The following ZAN variants were observed in gnomAD, a reference collection of about 807,000 sequenced individuals.
ZAN encodes zonadhesin, also known as zonadhesin (gene/pseudogene).
In ZAN, 260 loss-of-function variants were observed where a neutral mutation model predicts 286.2. The observed-to-expected ratio is 0.91, with a 90% confidence interval of 0.82 to 1.01. The LOEUF is 1.01. Among genes scored for constraint, ZAN ranks in the 50% least tolerant of loss-of-function variants. The pLI, the probability that ZAN is intolerant of heterozygous loss-of-function variation, is 0.00. For missense variants in ZAN, 3,410 were observed against 3,639.2 expected (o/e 0.94, Z 1.62); for synonymous variants, 1,368 against 1,417.5 (o/e 0.97, Z 0.79).
intron 35 of ZAN, among the ~76,000 whole-genome samples, chr7:100,784,287 G>A (rs956646187): frequency 3.3e-5 from 5 of 151,678 alleles, no homozygotes; most frequent in South Asian, 2.1e-4. Context: ...CCACCACCAC[G>A]CTTGGCTAAT....
In ZAN at chr7:100,767,999, T is replaced by C. The variant is rs772398157; in HGVS notation, c.5029T>C (p.Cys1677Arg). The C allele has an allele frequency of 3.1e-6, 5 of 1,611,852 alleles. No individual in the cohort carries two copies. The highest frequency in any genetic ancestry group is 4.2e-6 in the Non-Finnish European group (5 of 1,178,810). The part of the protein sequence containing the change: ...TVPSSYGGQL[C>R]GLCGNYNNNS... ...CCCCTCCTCCTATGGCGGCCAGCTCTGTGGGCTGTGTGGTGAGTTTCCTGG... is the reference window on the plus strand; with the variant it reads ...CCCCTCCTCCTATGGCGGCCAGCTCCGTGGGCTGTGTGGTGAGTTTCCTGG... Residue 1677 changes from cysteine (C) to arginine (R), a missense_variant, in exon 26 of 48, where the codon TGT (cysteine) becomes CGT (arginine). Physicochemically the swap from Cys to Arg is radical, Grantham distance 180 (BLOSUM62 -3). Transcript: ENST00000613979.
chr7:100,794,671 T>C (rs751476011), intron 44 of ZAN, among the ~76,000 whole-genome samples: 1 of 151,864 alleles, frequency 6.6e-6, no homozygotes, highest in Admixed American at 6.6e-5. Flanking sequence ...TCGTCTCTAC[T>C]AAAAATTAAA....
intron 11 of ZAN, among the ~76,000 whole-genome samples, chr7:100,749,729 T>C (rs1808510895): frequency 6.9e-6 from 1 of 143,908 alleles, no homozygotes. Flanking sequence ...CACACATATA[T>C]ATATATAAAG....
At chr7:100,773,168 T>A (rs1810504666) in intron 29 of ZAN, 117 bp from the exon 30 acceptor site, 13 of 1,155,100 alleles carry the variant, frequency 1.1e-5, no homozygotes, top group Non-Finnish European at 1.6e-5. Context: ...CCTCCCAAAG[T>A]GCTGGGATTA....
At position 100,773,538 on chromosome 7, in the gene ZAN, T is replaced by C. The variant is rs753962033; in HGVS notation, c.5634+45T>C. Reference sequence around the variant, plus strand: ...GGGCCCCGCCCTTTCCAGGCCCACATGTTTGGGGTCAGGGCAAGCTCAGGA... The same window carrying C: ...GGGCCCCGCCCTTTCCAGGCCCACACGTTTGGGGTCAGGGCAAGCTCAGGA... On this transcript the variant is annotated intron_variant, in intron 30 of 47. Coordinates refer to ENST00000613979, the MANE Select transcript of ZAN (RefSeq NM_003386.3). 17 of 1,601,084 alleles carry C rather than the reference T, an allele frequency of 1.1e-5. No homozygotes were observed. The East Asian group carries it at 3.8e-4, about 36-fold the overall frequency.
At chr7:100,766,088 G>A (rs1809950599) in intron 23 of ZAN, among the ~76,000 whole-genome samples, 1 of 151,930 alleles carries the variant, frequency 6.6e-6, no homozygotes, top group African/African-American at 2.4e-5. Context: ...CCAGGTTCAA[G>A]CGATTCTCCC....
intron 24 of ZAN, 62 bp downstream of exon 24, chr7:100,766,728 G>A (rs975584020): frequency 1.3e-4 from 200 of 1,516,492 alleles, no homozygotes; most frequent in Non-Finnish European, 1.6e-4. Flanking sequence ...CAAGGTGATG[G>A]GTCCTGCCCA....
rs778334120 is a variant in ZAN at position 100,797,631 on chromosome 7, C to T, written c.8413+8C>T. On this transcript the variant is annotated splice_region_variant and intron_variant, in intron 47 of 47. Coordinates refer to ENST00000613979, the MANE Select transcript of ZAN (RefSeq NM_003386.3). ...CCAGGCTGGTGGACACAGGTGAGAA[C>T]CAACCCCACAGCCCGGAACCTCGGG... 3 of 1,613,906 alleles carry T rather than the reference C, an allele frequency of 1.9e-6. No individual in the cohort carries two copies. Among genetic ancestry groups the T allele is most frequent in the South Asian group, 2.2e-5 (2 of 91,070 alleles).
chr7:100,793,287 C>G (rs117715617), intron 42 of ZAN, among the ~76,000 whole-genome samples: 1 of 146,928 alleles, frequency 6.8e-6, no homozygotes, highest in Non-Finnish European at 1.5e-5. Flanking sequence ...TGCAGTGAGC[C>G]GTGATCACGC....
intron 27 of ZAN, 72 bp from the exon 28 acceptor site, chr7:100,769,808 A>T: frequency 7.2e-7 from 1 of 1,397,390 alleles, no homozygotes; most frequent in Non-Finnish European, 9.9e-7. Context: ...TGGCTTCCCA[A>T]AGTGCTGGGA....
intron 14 of ZAN, among the ~76,000 whole-genome samples, chr7:100,753,449 A>G (rs1382529561): frequency 2.0e-5 from 3 of 152,224 alleles, no homozygotes; most frequent in African/African-American, 4.8e-5. Context: ...TGGGGGTGTC[A>G]GGACTGAACC....
chr7:100,739,531 G>A lies in ZAN; in HGVS notation c.766+918G>A, dbSNP rs1034421850. On this transcript the variant is annotated intron_variant, in intron 7 of 47. Coordinates refer to ENST00000613979, the MANE Select transcript of ZAN (RefSeq NM_003386.3). ...TTTGGAGCCAAGTGCACTGGCTCAC[G>A]CCTGTAATCCCAGCGCTTTGGGAAG... Among the ~76,000 whole-genome samples the A allele has an allele frequency of 1.8e-4, 25 of 136,020 alleles. 1 individual carries two copies. The East Asian group carries it at 4.4e-3, about 24-fold the overall frequency. 89.2% of individuals were successfully genotyped at this position (136,020 alleles called of 152,430 possible).
At position 100,775,701 on chromosome 7, in the gene ZAN, C is replaced by T. The variant is rs907236652; in HGVS notation, c.6060C>T (p.Ile2020=). ...GCAAACAGGTCACCCTCCCCGCCATCTCCCAGATCCCTGGGGTCAGTGTCA... is the reference window on the plus strand; with the variant it reads ...GCAAACAGGTCACCCTCCCCGCCATTTCCCAGATCCCTGGGGTCAGTGTCA... ...INSKQVTLPA[I]SQIPGVSVKS... is the part of the protein sequence containing the mutation. Residue 2020 remains isoleucine, a synonymous_variant, in exon 33 of 48, where the codon ATC becomes ATT. Transcript: ENST00000613979. 1.9e-6 allele frequency: 3 copies of T among 1,613,986 alleles called. No homozygotes were observed. Among genetic ancestry groups the T allele is most frequent in the East Asian group, 2.2e-5 (1 of 44,868 alleles).
In ZAN at chr7:100,792,402, C is replaced by T. The variant is rs1202916279; in HGVS notation, c.7713-3C>T. On this transcript the variant is annotated splice_polypyrimidine_tract_variant and splice_region_variant and intron_variant, in intron 41 of 47. Transcript: ENST00000613979. The stretch of plus-strand genomic sequence containing the variant: ...TGCCCTTCCTGCCCCCTCTCTGCAC[C>T]AGGCACTGCGTGCTGGATCTGTGCT... The T allele has an allele frequency of 1.9e-6, 3 of 1,607,614 alleles. No individual in the cohort carries two copies. The highest frequency in any genetic ancestry group is 1.3e-5 in the African/African-American group (1 of 74,874).
chr7:100,759,794 C>G lies in ZAN; in HGVS notation c.3645C>G (p.Tyr1215Ter). 6.2e-7 allele frequency: 1 copy of G among 1,608,492 alleles called. No homozygotes were observed. The highest frequency in any genetic ancestry group is 8.5e-7 in the Non-Finnish European group (1 of 1,177,786). ...GCGTGTCCTGCCTGAGCAAAGTCTA[C>G]GTGACCCTGCCCGAGAGCACCGTCA... Reference protein sequence around the residue: ...QEGVSCLSKVYVTLPESTVTL... With the variant: ...QEGVSCLSKV Residue 1215 changes from tyrosine (Y) to a stop codon, truncating the protein, a stop_gained, in exon 18 of 48, where the codon TAC (tyrosine) becomes TAG (stop). Transcript: ENST00000613979. LOFTEE classifies it high-confidence loss of function.
intron 33 of ZAN, among the ~76,000 whole-genome samples, chr7:100,776,079 C>A (rs749304281): frequency 8.6e-5 from 13 of 151,750 alleles, no homozygotes; most frequent in Non-Finnish European, 1.5e-5. Flanking sequence ...TCTGGGAGGC[C>A]GAGGCAGGTG....
At chr7:100,745,887 G>C (rs1368167720) in intron 7 of ZAN, among the ~76,000 whole-genome samples, 1 of 151,464 alleles carries the variant, frequency 6.6e-6, no homozygotes, top group East Asian at 2.0e-4. Flanking sequence ...AAAGAAAAAG[G>C]AAAAAAGAAA....
At chr7:100,772,764 T>G (rs1464121027) in intron 29 of ZAN, among the ~76,000 whole-genome samples, 2 of 150,604 alleles carry the variant, frequency 1.3e-5, no homozygotes, top group Admixed American at 1.3e-4. Context: ...GAGCTTGCAG[T>G]GACCCAAGAT....
intron 7 of ZAN, among the ~76,000 whole-genome samples, chr7:100,743,573 A>T (rs1807965012): frequency 1.4e-5 from 2 of 145,268 alleles, no homozygotes; most frequent in Admixed American, 1.4e-4. Flanking sequence ...TTTTGAATTT[A>T]AAAAAATGTT....
Sources: gnomAD v4.1 joint callset for allele counts (sites outside exome capture counted in the v4.1 genomes callset) on GRCh38, gnomAD v4.1.1 for gene constraint, MANE v1.5 for transcripts, NCBI Gene and HGNC (gene_info 2026-07-23, HGNC 2026-07-21) for gene names.